NMRK2: variants seen among roughly 807,000 people sequenced by gnomAD.
NMRK2 encodes nicotinamide riboside kinase 2, also known as NRK 2.
NMRK2 carries 34 observed loss-of-function variants against 24.7 expected under a neutral mutation model. That is an observed-to-expected ratio of 1.37 (90% CI 1.05 to 1.83). The LOEUF is 1.83. NMRK2 is among the 40% of genes most tolerant of loss of function. The pLI is 0.00. For synonymous variants in NMRK2, 145 were observed against 125.6 expected, an observed-to-expected ratio of 1.15 and a Z score of -1.03; for missense variants, 341 against 315.0, an observed-to-expected ratio of 1.08 and a Z score of -0.62.
intron 2 of NMRK2, among the ~76,000 whole-genome samples, chr19:3,934,577 GT>G (rs1419640153): frequency 6.7e-5 from 10 of 149,102 alleles, no homozygotes; most frequent in East Asian, 2.0e-4. Flanking sequence ...GGGGGGGGGT[GT>G]TGTTGTTGCC....
chr19:3,940,847 G>A (rs1295415582), intron 6 of NMRK2, among the ~76,000 whole-genome samples: 6 of 152,002 alleles, frequency 3.9e-5, no homozygotes, highest in Admixed American at 3.9e-4. Flanking sequence ...CAGAGCCTGA[G>A]GCCTGGATAG....
chr19:3,936,987 C>T (rs2039225345), intron 3 of NMRK2, among the ~76,000 whole-genome samples: 1 of 152,114 alleles, frequency 6.6e-6, no homozygotes, highest in Non-Finnish European at 1.5e-5. Context: ...GGGTGAATAC[C>T]CTTTATTCCT....
chr19:3,941,134 C>T lies in NMRK2; in HGVS notation c.459C>T (p.Tyr153=), dbSNP rs776003143. ...TCGATGGCCACGTGTGGCCCATGTA[C>T]CAGAAGTATAGGCAGGAGATGGAGG... The part of the protein sequence containing the change: ...GLFDGHVWPM[Y]QKYRQEMEAN... The change falls in exon 7 of 8, where the codon TAC becomes TAT. Residue 153 remains tyrosine, a synonymous_variant. Coordinates refer to ENST00000168977, the MANE Select transcript of NMRK2 (RefSeq NM_170678.3). 6.2e-7 allele frequency: 1 copy of T among 1,612,502 alleles called. No homozygotes were observed. The highest frequency in any genetic ancestry group is 8.5e-7 in the Non-Finnish European group (1 of 1,179,030).
intron 6 of NMRK2, 21 bp downstream of exon 6, chr19:3,939,992 T>C: frequency 6.2e-7 from 1 of 1,604,248 alleles, no homozygotes; most frequent in Non-Finnish European, 8.5e-7. Flanking sequence ...TGTCTGGGGG[T>C]GCGGTGGGCT....
Position 3,942,379 on chromosome 19 carries a change from C to T in NMRK2, c.*106C>T. 3.0e-6 allele frequency: 3 copies of T among 985,922 alleles called. No homozygotes were observed. The highest frequency in any genetic ancestry group is 1.6e-5 in the South Asian group (1 of 63,680). The allele number at this position is 985,922 out of a possible 1,614,324, so 61.1% of individuals were successfully genotyped here. On this transcript the variant is annotated 3_prime_UTR_variant, in exon 8 of 8. Coordinates refer to ENST00000168977, the MANE Select transcript of NMRK2 (RefSeq NM_170678.3). ...GCCCCAAGACGCCTCTGTAACCTCG[C>T]TGCAGCTTCAGTAGTAAACTGGGTC...
At chr19:3,935,548 G>A (rs1047028666) in intron 2 of NMRK2, among the ~76,000 whole-genome samples, 2 of 151,560 alleles carry the variant, frequency 1.3e-5, no homozygotes, top group Non-Finnish European at 2.9e-5. Context: ...GACCCACCAC[G>A]ACCAGCTAAA....
At position 3,933,583 on chromosome 19, in the gene NMRK2, G is replaced by T; in HGVS notation, c.-89G>T. 1.4e-6 allele frequency: 2 copies of T among 1,458,474 alleles called. No homozygotes were observed. The highest frequency in any genetic ancestry group is 1.2e-5 in the South Asian group (1 of 80,368). The allele number at this position is 1,458,474 out of a possible 1,614,324, so 90.3% of individuals were successfully genotyped here. A position where few individuals can be genotyped will look rare whatever the true frequency, so the allele number is the denominator to read the frequency against. The stretch of plus-strand genomic sequence containing the variant: ...TATAAAGGCGCCAGGTTTTCTCAAT[G>T]AAGCCGGGACGCACTCCGGAGCGCA... On this transcript the variant is annotated 5_prime_UTR_variant, in exon 2 of 8. It removes an upstream start codon present in the reference 5' UTR. Coordinates refer to ENST00000168977, the MANE Select transcript of NMRK2 (RefSeq NM_170678.3).
intron 2 of NMRK2, 105 bp from the exon 3 acceptor site, chr19:3,936,470 T>C (rs965146305): frequency 1.5e-5 from 10 of 675,160 alleles, no homozygotes; most frequent in African/African-American, 1.5e-4. Flanking sequence ...CCCTGAGACA[T>C]GGACAGGCCC....
intron 2 of NMRK2, 111 bp downstream of exon 2, chr19:3,933,808 C>A: frequency 9.0e-7 from 1 of 1,108,444 alleles, no homozygotes; most frequent in Non-Finnish European, 1.2e-6. Flanking sequence ...AGGTCACCTA[C>A]ACGCCGCCCG....
At position 3,938,528 on chromosome 19, in the gene NMRK2, C is replaced by T. The variant is rs2039259176; in HGVS notation, c.167-75C>T. ...CATCCACCGTCCCCTGGGGTCCGCCCTCCTGCAATGCCCGCTCCCCGTCCA... is the reference window on the plus strand; with the variant it reads ...CATCCACCGTCCCCTGGGGTCCGCCTTCCTGCAATGCCCGCTCCCCGTCCA... On this transcript the variant is annotated intron_variant, in intron 4 of 7. Transcript: ENST00000168977. 41 of 1,392,908 alleles carry T rather than the reference C, an allele frequency of 2.9e-5. No individual in the cohort carries two copies. The South Asian group carries it at 6.0e-4, about 20-fold the overall frequency. 86.3% of individuals were successfully genotyped at this position (1,392,908 alleles called of 1,614,324 possible).
Position 3,933,699 on chromosome 19 carries a change from T to C in NMRK2, c.26+2T>C. ...GAAGCTCATCGTGGGCATCGGAGGG[T>C]GAGCGCCGGGGGACCTGGTGGGCGG... On this transcript the variant is annotated splice_donor_variant, in intron 2 of 7. Coordinates refer to ENST00000168977, the MANE Select transcript of NMRK2 (RefSeq NM_170678.3). LOFTEE classifies it high-confidence loss of function. The C allele has an allele frequency of 6.9e-7, 1 of 1,449,132 alleles. No individual in the cohort carries two copies. Among genetic ancestry groups the C allele is most frequent in the East Asian group, 2.8e-5 (1 of 36,144 alleles). 89.8% of individuals were successfully genotyped at this position (1,449,132 alleles called of 1,614,324 possible).
Position 3,937,294 on chromosome 19 carries a change from G to C in NMRK2, c.166+6G>C. The C allele has an allele frequency of 1.9e-6, 3 of 1,612,734 alleles. No individual in the cohort carries two copies. The highest frequency in any genetic ancestry group is 1.7e-4 in the Middle Eastern group (1 of 6,058). ...CGGCTTCAAACAGTGGGACGGTAAG[G>C]ACAAGCATCACCTCCAAGCCCCACT... On this transcript the variant is annotated splice_donor_region_variant and intron_variant, in intron 4 of 7. Coordinates refer to ENST00000168977, the MANE Select transcript of NMRK2 (RefSeq NM_170678.3).
intron 6 of NMRK2, among the ~76,000 whole-genome samples, chr19:3,940,334 T>C (rs1421280574): frequency 2.1e-5 from 1 of 48,544 alleles, no homozygotes; most frequent in African/African-American, 1.4e-4. Flanking sequence ...AGACTCTGTC[T>C]CAAAAAAAAA....
Position 3,936,722 on chromosome 19 carries a change from G to A in NMRK2, c.117+57G>A, listed in dbSNP as rs1319999797. The A allele has an allele frequency of 9.0e-6, 13 of 1,436,608 alleles. No individual in the cohort carries two copies. In the South Asian group the frequency reaches 1.3e-4, roughly 15 times the overall value. 89.0% of individuals were successfully genotyped at this position (1,436,608 alleles called of 1,614,324 possible). A position where few individuals can be genotyped will look rare whatever the true frequency, so the allele number is the denominator to read the frequency against. ...AGAGGGGATGCAGGGTGGGCAGCCA[G>A]GCCCGGCCAGCCCCGCCCTCCACTG... On this transcript the variant is annotated intron_variant, in intron 3 of 7. Transcript: ENST00000168977.
rs59874379 is a variant in NMRK2 at position 3,934,304 on chromosome 19, G to A, written c.26+607G>A. 6.6e-3 allele frequency among the ~76,000 whole-genome samples: 1,011 copies of A among 152,112 alleles called. 9 individuals carry two copies. The highest frequency in any genetic ancestry group is 0.023 in the African/African-American group (965 of 41,486). ...TAAAGCTCCAGTGAACCCTCCTCCC[G>A]CCTCGTGGCTGTCCTGGCTAAATCG... On this transcript the variant is annotated intron_variant, in intron 2 of 7. Transcript: ENST00000168977.
intron 5 of NMRK2, 38 bp downstream of exon 5, chr19:3,938,797 C>G: frequency 3.8e-6 from 5 of 1,302,668 alleles, no homozygotes; most frequent in Non-Finnish European, 5.2e-6. Context: ...GCATGGCCCT[C>G]TCTGGGCGGG....
rs772393790 is a variant in NMRK2 at position 3,938,676 on chromosome 19, C to T, written c.240C>T (p.Ala80=). The T allele has an allele frequency of 6.2e-7, 1 of 1,612,890 alleles. No individual in the cohort carries two copies. Among genetic ancestry groups the T allele is most frequent in the Non-Finnish European group, 8.5e-7 (1 of 1,179,530 alleles). ...QAWLSSPQKF[A]RAHGVSVQPE... ...GGCTGAGCAGCCCGCAGAAGTTTGC[C>T]CGTGCCCACGGGGTCAGCGTCCAGC... The change falls in exon 5 of 8, where the codon GCC becomes GCT. Residue 80 remains alanine, a synonymous_variant. Transcript: ENST00000168977.
At chr19:3,942,012 C>T (rs1331668623) in intron 7 of NMRK2, 71 bp from the exon 8 acceptor site, 3 of 1,285,282 alleles carry the variant, frequency 2.3e-6, no homozygotes, top group Non-Finnish European at 3.3e-6. Flanking sequence ...CCTGACCCAG[C>T]CGTCCACTCG....
Position 3,938,184 on chromosome 19 carries a change from G to A in NMRK2, c.167-419G>A, listed in dbSNP as rs532477638. On this transcript the variant is annotated intron_variant, in intron 4 of 7. Coordinates refer to ENST00000168977, the MANE Select transcript of NMRK2 (RefSeq NM_170678.3). The stretch of plus-strand genomic sequence containing the variant: ...CACCCTCCTGCAATGCCCGCTACCC[G>A]TCCACTGTTCCCCCAGGGTCCGCCC... Among the ~76,000 whole-genome samples the A allele has an allele frequency of 2.1e-4, 20 of 95,258 alleles. 1 individual carries two copies. The highest frequency in any genetic ancestry group is 7.7e-4 in the African/African-American group (18 of 23,240). 62.5% of individuals were successfully genotyped at this position (95,258 alleles called of 152,430 possible).
Sources: allele counts gnomAD v4.1 joint callset (sites outside exome capture counted in the v4.1 genomes callset), GRCh38; gene constraint gnomAD v4.1.1; transcripts MANE v1.5; gene names NCBI Gene and HGNC (gene_info 2026-07-23, HGNC 2026-07-21).